LHCGR: variants seen among roughly 807,000 people sequenced by gnomAD.
LHCGR encodes lutropin-choriogonadotropic hormone receptor.
In LHCGR, 55 loss-of-function variants were observed where a neutral mutation model predicts 60.7. The ratio of observed to expected loss-of-function variants is 0.91; its 90% CI spans 0.73 to 1.13. The LOEUF (loss-of-function observed/expected upper bound fraction) is 1.13. LHCGR is among the 50% of genes most tolerant of loss of function. LHCGR has a pLI of 0.00. For missense variants in LHCGR, 862 were observed against 836.0 expected, an observed-to-expected ratio of 1.03 and a Z score of -0.38; for synonymous variants, 337 against 316.5, an observed-to-expected ratio of 1.06 and a Z score of -0.69.
At chr2:48,714,733 C>G (rs1021661831) in intron 6 of LHCGR, among the ~76,000 whole-genome samples, 5 of 149,402 alleles carry the variant, frequency 3.3e-5, no homozygotes, top group African/African-American at 1.2e-4. Context: ...TGGTATATAC[C>G]TATAAATACA....
intron 1 of LHCGR, among the ~76,000 whole-genome samples, chr2:48,735,800 A>G (rs938430367): frequency 6.6e-6 from 1 of 152,042 alleles, no homozygotes; most frequent in African/African-American, 2.4e-5. Flanking sequence ...CTCTCCTAGA[A>G]TTATGCTTAT....
chr2:48,688,327 T>A lies in LHCGR; in HGVS notation c.1470A>T (p.Gly490=). The A allele has an allele frequency of 6.2e-7, 1 of 1,614,058 alleles. No individual in the cohort carries two copies. The highest frequency in any genetic ancestry group is 8.5e-7 in the Non-Finnish European group (1 of 1,180,024). ...TAGCAATTAGAGAAGAAAAGAGCCA[T>A]CCTCCAAGCATAATCAGAATGGCAT... is the stretch of plus-strand genomic sequence containing the variant. ...LRHAILIMLG[G]WLFSSLIAML... Residue 490 remains glycine, a synonymous_variant, in exon 11 of 11, where the codon GGA becomes GGT. Transcript: ENST00000294954. The surrounding 1 kb of genome is among the most constrained non-coding windows in gnomAD (Gnocchi z 5.2).
intron 8 of LHCGR, among the ~76,000 whole-genome samples, chr2:48,700,419 G>T (rs1667351100): frequency 6.6e-6 from 1 of 152,122 alleles, no homozygotes; most frequent in Non-Finnish European, 1.5e-5. Context: ...ACAACCCCTT[G>T]GGAAGGAAGA....
At chr2:48,733,742 C>T (rs146657102) in intron 1 of LHCGR, among the ~76,000 whole-genome samples, 1 of 152,158 alleles carries the variant, frequency 6.6e-6, no homozygotes, top group Non-Finnish European at 1.5e-5. Context: ...AATCGAAAAC[C>T]ATTTTCCCTA....
chr2:48,720,440 T>C (rs1668447853), intron 6 of LHCGR: 2 of 152,234 alleles, frequency 1.3e-5, no homozygotes, highest in South Asian at 2.1e-4. Flanking sequence ...AAGGGAGTCA[T>C]GGATATTTGT....
chr2:48,698,148 A>G (rs767104219), intron 9 of LHCGR, among the ~76,000 whole-genome samples: 3 of 152,324 alleles, frequency 2.0e-5, no homozygotes, highest in African/African-American at 7.2e-5. Context: ...CTGTTCTGAA[A>G]TAGAAGATGC....
intron 7 of LHCGR, among the ~76,000 whole-genome samples, chr2:48,711,975 C>T (rs541204103): frequency 1.3e-5 from 2 of 152,080 alleles, no homozygotes; most frequent in Non-Finnish European, 2.9e-5. Context: ...TAAGGCCCTT[C>T]CTGTTTTGTC....
chr2:48,694,373 A>G (rs776946052), intron 9 of LHCGR, 69 bp from the exon 10 acceptor site: 53 of 922,820 alleles, frequency 5.7e-5, no homozygotes, highest in East Asian at 5.7e-4. Flanking sequence ...CTGTGCGTCT[A>G]TTTATGCTTT....
At chr2:48,751,462 T>A (rs895117722) in intron 1 of LHCGR, among the ~76,000 whole-genome samples, 1 of 152,232 alleles carries the variant, frequency 6.6e-6, no homozygotes, top group African/African-American at 2.4e-5. Context: ...TCTTAACACT[T>A]GGCCCATGAA....
intron 6 of LHCGR, among the ~76,000 whole-genome samples, chr2:48,716,125 A>T (rs1668239628): frequency 6.6e-6 from 1 of 152,050 alleles, no homozygotes; most frequent in Non-Finnish European, 1.5e-5. Flanking sequence ...GCAGAATCTG[A>T]AGCATGTTTC....
chr2:48,749,877 A>G (rs774792108), intron 1 of LHCGR, among the ~76,000 whole-genome samples: 10 of 152,072 alleles, frequency 6.6e-5, no homozygotes, highest in Non-Finnish European at 1.3e-4. Context: ...GTGTCTTGCT[A>G]GGGGCTATCA....
chr2:48,708,772 G>T (rs1473547061), intron 8 of LHCGR, 176 bp downstream of exon 8: 4 of 680,716 alleles, frequency 5.9e-6, no homozygotes, highest in African/African-American at 3.5e-5. Context: ...TAAGCCTCTC[G>T]GTTTGGGGTA....
At chr2:48,718,589 T>C (rs1210655238) in intron 6 of LHCGR, among the ~76,000 whole-genome samples, 2 of 151,504 alleles carry the variant, frequency 1.3e-5, no homozygotes, top group African/African-American at 4.9e-5. Flanking sequence ...TTTTAGAAAA[T>C]ATGGTGGTAT....
At chr2:48,740,941 GA>G (rs1458639613) in intron 1 of LHCGR, among the ~76,000 whole-genome samples, 1 of 152,054 alleles carries the variant, frequency 6.6e-6, no homozygotes, top group Non-Finnish European at 1.5e-5. Context: ...TGAAAACTTT[GA>G]AAAAAATTTA....
chr2:48,751,480 C>T (rs1229526411), intron 1 of LHCGR, among the ~76,000 whole-genome samples: 1 of 152,142 alleles, frequency 6.6e-6, no homozygotes, highest in African/African-American at 2.4e-5. Context: ...GAAGCCTTCC[C>T]TTGGAGACTT....
At chr2:48,740,227 T>C (rs2103678460) in intron 1 of LHCGR, among the ~76,000 whole-genome samples, 1 of 152,256 alleles carries the variant, frequency 6.6e-6, no homozygotes, top group East Asian at 1.9e-4. Context: ...AGCACAGCAG[T>C]CTGAGATCAA....
rs550035656 is a variant in LHCGR, at chr2:48,740,153, C to T, written c.162-8855G>A. ...TCCAATGGGCTTAAAAAACGGTGCA[C>T]GAGGAGATTATATCCCGCACCTGGC... On this transcript the variant is annotated intron_variant, in intron 1 of 10. Coordinates refer to ENST00000294954, the MANE Select transcript of LHCGR (RefSeq NM_000233.4). 5.9e-5 allele frequency among the ~76,000 whole-genome samples: 9 copies of T among 152,222 alleles called. No individual in the cohort carries two copies. In the South Asian group the frequency reaches 8.3e-4, roughly 14 times the overall value.
At chr2:48,721,913 A>C (rs1247659612) in intron 6 of LHCGR, 1 of 394,712 alleles carries the variant, frequency 2.5e-6, no homozygotes, top group Non-Finnish European at 5.0e-6. Flanking sequence ...GCACTTTGGG[A>C]GGCCGAGGAG....
intron 3 of LHCGR, among the ~76,000 whole-genome samples, chr2:48,726,783 T>A (rs1359530835): frequency 1.1e-4 from 16 of 152,174 alleles, no homozygotes; most frequent in African/African-American, 3.9e-4. Context: ...TTCCTTATAG[T>A]GTTGTTTTTG....
Sources: gnomAD v4.1 joint callset for allele counts (sites outside exome capture counted in the v4.1 genomes callset) on GRCh38, gnomAD v4.1.1 for gene constraint, Gnocchi (gnomAD v3.1) non-coding constraint, MANE v1.5 for transcripts, NCBI Gene and HGNC (gene_info 2026-07-23, HGNC 2026-07-21) for gene names.